Variants in MEAK7 observed in about 807,000 individuals in gnomAD.
MEAK7 encodes the protein MTOR-associated protein MEAK7.
In MEAK7, 68 loss-of-function variants were observed where a neutral mutation model predicts 40.5. The observed-to-expected ratio is 1.68, with a 90% CI of 1.38 to 2.06. The LOEUF (loss-of-function observed/expected upper bound fraction) is 2.06, where lower values mean the gene tolerates loss of function less well. MEAK7 is among the 30% of genes most tolerant of loss of function. The pLI is 0.00. For missense variants in MEAK7, 918 were observed against 580.5 expected (o/e 1.58, Z -5.98); for synonymous variants, 338 against 231.9 (o/e 1.46, Z -4.16).
chr16:84,486,473 A>G (rs1201758717), intron 5 of MEAK7, 158 bp downstream of exon 5: 4 of 1,429,402 alleles, frequency 2.8e-6, no homozygotes, highest in Non-Finnish European at 3.6e-6. Context: ...GATAAACACC[A>G]TAGAGCAGCA....
chr16:84,482,623 T>G lies in MEAK7; in HGVS notation c.1046A>C (p.Asn349Thr). ...TGYNDHYMYL[N>T]HGQQTIPNGL... ...GTTCGGGATCGTCTGCTGTCCATGG[T>G]TCAAGTACATGTAGTGGTCGTTGTA... Residue 349 changes from asparagine to threonine, a missense_variant, in exon 6 of 8, where the codon AAC becomes ACC. Coordinates refer to ENST00000343629, the MANE Select transcript of MEAK7 (RefSeq NM_020947.4). The G allele has an allele frequency of 6.2e-7, 1 of 1,614,202 alleles. No individual in the cohort carries two copies. The highest frequency in any genetic ancestry group is 1.3e-5 in the African/African-American group (1 of 75,044).
At position 84,497,941 on chromosome 16, in the gene MEAK7, G is replaced by A. The variant is rs371012469; in HGVS notation, c.146C>T (p.Ala49Val). Residue 49 changes from alanine to valine, a missense_variant, in exon 2 of 8, where the codon GCA becomes GTA. By Grantham distance (64) the Ala-to-Val change is moderately conservative. Coordinates refer to ENST00000343629, the MANE Select transcript of MEAK7 (RefSeq NM_020947.4). ...NVSSKSFSLK[A>V]LQNHVGEALP... is the part of the protein sequence containing the mutation. ...ACGGGTTGTTACTCTTGCCTGTAGT[G>A]CCTTCAGAGAGAAGGATTTGGATGA... is the stretch of plus-strand genomic sequence containing the variant. 5.6e-6 allele frequency: 9 copies of A among 1,614,072 alleles called. No individual in the cohort carries two copies. Among genetic ancestry groups the A allele is most frequent in the African/African-American group, 2.7e-5 (2 of 74,926 alleles).
intron 1 of MEAK7, among the ~76,000 whole-genome samples, chr16:84,499,607 C>T (rs1417779194): frequency 6.6e-6 from 1 of 152,120 alleles, no homozygotes; most frequent in East Asian, 1.9e-4. Flanking sequence ...CTCACAGATC[C>T]AAAACATGTT....
In MEAK7 at chr16:84,478,047, TAA is replaced by T. The variant is rs1912195143; in HGVS notation, c.*1864_*1865del. The T allele has an allele frequency of 2.4e-5, 2 of 83,618 alleles. No individual in the cohort carries two copies. Among genetic ancestry groups the T allele is most frequent in the Admixed American group, 2.5e-4 (2 of 7,844 alleles). 5.2% of individuals were successfully genotyped at this position (83,618 alleles called of 1,614,324 possible). The stretch of plus-strand genomic sequence containing the variant: ...CAAGGCACAGACACTGACGGACATT[TAA>T]TTTTTTTTTTAACTGAGGCATCATG... On this transcript the variant is annotated 3_prime_UTR_variant, in exon 8 of 8. Coordinates refer to ENST00000343629, the MANE Select transcript of MEAK7 (RefSeq NM_020947.4).
intron 1 of MEAK7, among the ~76,000 whole-genome samples, chr16:84,498,909 G>C (rs1286952104): frequency 1.3e-5 from 2 of 152,166 alleles, no homozygotes; most frequent in Admixed American, 6.5e-5. Flanking sequence ...TAGCTGTGTA[G>C]TCTTGGGCAA....
intron 4 of MEAK7, 197 bp from the exon 5 acceptor site, chr16:84,487,256 T>G (rs906066271): frequency 5.8e-6 from 3 of 519,420 alleles, no homozygotes; most frequent in African/African-American, 5.7e-5. Context: ...GAAAAAAGAA[T>G]GTAAAATATC....
In MEAK7 at chr16:84,477,752, G is replaced by A. The variant is rs899309389; in HGVS notation, c.*2161C>T. 1 of 152,112 alleles carries A rather than the reference G, an allele frequency of 6.6e-6. No individual in the cohort carries two copies. The highest frequency in any genetic ancestry group is 1.9e-4 in the East Asian group (1 of 5,182). 9.4% of individuals were successfully genotyped at this position (152,112 alleles called of 1,614,324 possible). A position where few individuals can be genotyped will look rare whatever the true frequency, so the allele number is the denominator to read the frequency against. On this transcript the variant is annotated 3_prime_UTR_variant, in exon 8 of 8. Transcript: ENST00000343629. ...GTTTCTCAGAGCCAGGTAAGGTACT[G>A]TCAGGTCCACTGGCCCCAGCCCTGC... is the stretch of plus-strand genomic sequence containing the variant.
At chr16:84,495,044 G>T (rs944536173) in intron 3 of MEAK7, among the ~76,000 whole-genome samples, 1 of 152,130 alleles carries the variant, frequency 6.6e-6, no homozygotes, top group African/African-American at 2.4e-5. Context: ...CAAGGCAGGC[G>T]GACCACCTAA....
intron 6 of MEAK7, among the ~76,000 whole-genome samples, chr16:84,482,234 A>C (rs1479325986): frequency 6.6e-6 from 1 of 151,982 alleles, no homozygotes; most frequent in Non-Finnish European, 1.5e-5. Flanking sequence ...TTGGTCCAGC[A>C]CTCCCACGTA....
chr16:84,480,903 C>G (rs1291396235), intron 6 of MEAK7, among the ~76,000 whole-genome samples, 195 bp from the exon 7 acceptor site: 1 of 152,204 alleles, frequency 6.6e-6, no homozygotes, highest in Non-Finnish European at 1.5e-5. Context: ...TGCCAAGTTA[C>G]TAGAACAGTC....
chr16:84,491,004 T>A (rs1913550733), intron 3 of MEAK7, among the ~76,000 whole-genome samples: 1 of 152,178 alleles, frequency 6.6e-6, no homozygotes, highest in Non-Finnish European at 1.5e-5. Flanking sequence ...TTACCTGATT[T>A]TTGTCTAAAA....
intron 4 of MEAK7, chr16:84,487,867 G>A (rs1306250648): frequency 6.6e-6 from 1 of 152,200 alleles, no homozygotes; most frequent in Non-Finnish European, 1.5e-5. Flanking sequence ...GGTAAGGCCA[G>A]AACCTGCCCC....
intron 3 of MEAK7, chr16:84,494,628 T>C (rs1913893037): frequency 5.8e-6 from 2 of 344,166 alleles, no homozygotes; most frequent in Non-Finnish European, 1.1e-5. Context: ...TTTTCCAGTG[T>C]TGTCTTCCCT....
Position 84,497,726 on chromosome 16 carries a change from C to T in MEAK7, c.153+208G>A. ...GACACTGTCTATGGCTATTTTCACACAGTAACGGCAGAGCAGAGGAGCTAC... is the reference window on the plus strand; with the variant it reads ...GACACTGTCTATGGCTATTTTCACATAGTAACGGCAGAGCAGAGGAGCTAC... On this transcript the variant is annotated intron_variant, in intron 2 of 7. Transcript: ENST00000343629. 7.3e-6 allele frequency: 10 copies of T among 1,370,934 alleles called. 1 individual carries two copies. The South Asian group carries it at 1.1e-4, about 16-fold the overall frequency. 84.9% of individuals were successfully genotyped at this position (1,370,934 alleles called of 1,614,324 possible).
chr16:84,497,362 T>C, intron 2 of MEAK7: 1 of 1,219,778 alleles, frequency 8.2e-7, no homozygotes, highest in Non-Finnish European at 1.1e-6. Context: ...GCCTTGAATC[T>C]AAAATGTGAT....
chr16:84,487,162 T>A, intron 4 of MEAK7, 103 bp from the exon 5 acceptor site: 1 of 1,206,950 alleles, frequency 8.3e-7, no homozygotes, highest in Non-Finnish European at 1.1e-6. Context: ...TCACATGCAA[T>A]TACTGAGCAC....
intron 1 of MEAK7, chr16:84,504,015 T>C (rs1462443810): frequency 2.0e-6 from 2 of 985,408 alleles, no homozygotes; most frequent in Non-Finnish European, 2.4e-6. Context: ...AAGTCCTGTC[T>C]GTGTCTCAGA....
At chr16:84,501,613 G>A (rs1229159685) in intron 1 of MEAK7, among the ~76,000 whole-genome samples, 1 of 152,134 alleles carries the variant, frequency 6.6e-6, no homozygotes, top group Non-Finnish European at 1.5e-5. Flanking sequence ...GGAAAGGCTT[G>A]GACGCAGAGC....
rs751863153 is a variant in MEAK7 at position 84,495,914 on chromosome 16, C to A, written c.154-1G>T. ...GGGGAAGAGCTTCCCCGACGTGGTT[C>A]TGCCGGGGACAAGCAGAAAAATATG... On this transcript the variant is annotated splice_acceptor_variant, in intron 2 of 7. Transcript: ENST00000343629. LOFTEE classifies it high-confidence loss of function. 4.3e-6 allele frequency: 7 copies of A among 1,613,730 alleles called. No individual in the cohort carries two copies. Among genetic ancestry groups the A allele is most frequent in the Non-Finnish European group, 5.9e-6 (7 of 1,180,008 alleles).
Sources: gnomAD v4.1 joint callset for allele counts (sites outside exome capture counted in the v4.1 genomes callset) on GRCh38, gnomAD v4.1.1 for gene constraint, MANE v1.5 for transcripts, NCBI Gene and HGNC (gene_info 2026-07-23, HGNC 2026-07-21) for gene names.